GPAT2: variants seen among roughly 807,000 people sequenced by gnomAD.
GPAT2 encodes the protein glycerol-3-phosphate acyltransferase 2, mitochondrial, also known as 1-acylglycerol-3-phosphate O-acyltransferase GPAT2.
GPAT2 carries 51 observed loss-of-function variants against 71.0 expected under a neutral mutation model. That is an observed-to-expected ratio of 0.72 (90% CI 0.57 to 0.91). The LOEUF (loss-of-function observed/expected upper bound fraction) is 0.91. GPAT2 is among the 40% of genes least tolerant of loss of function. The pLI is 0.00. For missense variants in GPAT2, 511 were observed against 666.0 expected, an observed-to-expected ratio of 0.77 and a Z score of 2.56; for synonymous variants, 222 against 290.3, an observed-to-expected ratio of 0.76 and a Z score of 2.39.
rs1283834725 is a variant in GPAT2 at position 96,026,772 on chromosome 2, G to A, written c.957C>T (p.Ile319=). The A allele has an allele frequency of 8.9e-5, 5 of 56,242 alleles. No individual in the cohort carries two copies. The highest frequency in any genetic ancestry group is 1.4e-4 in the South Asian group (1 of 7,366). 3.5% of individuals were successfully genotyped at this position (56,242 alleles called of 1,614,324 possible). A position where few individuals can be genotyped will look rare whatever the true frequency, so the allele number is the denominator to read the frequency against. The change falls in exon 10 of 22, where the codon ATC becomes ATT. Residue 319 remains isoleucine (I), a synonymous_variant. Transcript: ENST00000434632. ...CTGGTACCAGCAGAGCATCTGGGAC[G>A]ATGCCCACCTGGACTGCCTGCACCA... ...GFVVQAVQVG[I]VPDALLVPVA...
intron 12 of GPAT2, among the ~76,000 whole-genome samples, 163 bp from the exon 13 acceptor site, chr2:96,025,766 C>G (rs1030546022): frequency 1.3e-5 from 2 of 152,206 alleles, no homozygotes; most frequent in Non-Finnish European, 2.9e-5. Flanking sequence ...GTGCCATACC[C>G]CACACTCAGA....
At chr2:96,022,795 C>T in intron 20 of GPAT2, 72 bp from the exon 21 acceptor site, 14 of 1,613,886 alleles carry the variant, frequency 8.7e-6, no homozygotes, top group African/African-American at 1.3e-5. Context: ...CTTCTCTCCT[C>T]TTGTTTAAAG....
In GPAT2 at chr2:96,023,400, C is replaced by T. The variant is rs1040739948; in HGVS notation, c.1955G>A (p.Arg652Gln). 2.5e-6 allele frequency: 4 copies of T among 1,614,038 alleles called. No homozygotes were observed. Among genetic ancestry groups the T allele is most frequent in the African/African-American group, 1.3e-5 (1 of 74,954 alleles). The part of the protein sequence containing the change: ...SRPACDTGRQ[R>Q]LSRKLLWKPS... ...TTTCCACAGCAGCTTTCTGCTCAAT[C>T]GCTGTCGCCCTGTGTCACAGGCTGG... Residue 652 changes from arginine (R) to glutamine (Q), a missense_variant, in exon 18 of 22, where the codon CGA (arginine) becomes CAA (glutamine). This residue lies in a region of GPAT2 where 295 missense variants were observed against 305.5 expected (regional missense o/e 0.97). Transcript: ENST00000434632.
chr2:96,024,756 C>G lies in GPAT2; in HGVS notation c.1428+17G>C, dbSNP rs751350340. 3 of 1,614,006 alleles carry G rather than the reference C, an allele frequency of 1.9e-6. No homozygotes were observed. The highest frequency in any genetic ancestry group is 1.3e-5 in the African/African-American group (1 of 75,010). On this transcript the variant is annotated intron_variant, in intron 14 of 21. Transcript: ENST00000434632. Reference sequence around the variant, plus strand: ...CCCCCCCCACCGCCCAGGTCCCCACCACATTGCACCCCCTACCTTCTGATG... The same window carrying G: ...CCCCCCCCACCGCCCAGGTCCCCACGACATTGCACCCCCTACCTTCTGATG...
At position 96,024,812 on chromosome 2, in the gene GPAT2, C is replaced by G. The variant is rs768355496; in HGVS notation, c.1389G>C (p.Thr463=). ...AGAGCAGCAGCGTTGCCATAATGGCCGTGCTCATCACCGCAGAGCTCCCTA... is the reference window on the plus strand; with the variant it reads ...AGAGCAGCAGCGTTGCCATAATGGCGGTGCTCATCACCGCAGAGCTCCCTA... ...ASVGSSAVMS[T]AIMATLLLFK... Residue 463 remains threonine (T), a synonymous_variant, in exon 14 of 22, where the codon ACG becomes ACC. Transcript: ENST00000434632. 6.2e-7 allele frequency: 1 copy of G among 1,613,604 alleles called. No individual in the cohort carries two copies. The highest frequency in any genetic ancestry group is 8.5e-7 in the Non-Finnish European group (1 of 1,179,960).
chr2:96,022,894 G>C (rs182302523), intron 20 of GPAT2, 64 bp downstream of exon 20: 10 of 1,612,940 alleles, frequency 6.2e-6, no homozygotes, highest in Middle Eastern at 1.7e-4. Flanking sequence ...TGTCCTGCAG[G>C]GGGCAGCAGC....
chr2:96,024,273 G>A lies in GPAT2; in HGVS notation c.1752C>T (p.Gly584=). ...GCTCATTCTGGCTCAGCAGCAATATGCCCTGCAGCTCCCAGGGCCCCTGGG... is the reference window on the plus strand; with the variant it reads ...GCTCATTCTGGCTCAGCAGCAATATACCCTGCAGCTCCCAGGGCCCCTGGG... The part of the protein sequence containing the change: ...VPPQGPWELQ[G]ILLLSQNELY... Residue 584 remains glycine (G), a synonymous_variant, in exon 16 of 22, where the codon GGC becomes GGT. Transcript: ENST00000434632. 6.4e-7 allele frequency: 1 copy of A among 1,551,752 alleles called. No homozygotes were observed. The highest frequency in any genetic ancestry group is 1.9e-5 in the Admixed American group (1 of 52,738).
In GPAT2 at chr2:96,024,851, G is replaced by T; in HGVS notation, c.1358-8C>A. The stretch of plus-strand genomic sequence containing the variant: ...CAGAGCTCCCTACACTGGCTGGAGT[G>T]GGGCGGGGGGTGGAGATGCTGGTCA... On this transcript the variant is annotated splice_region_variant and splice_polypyrimidine_tract_variant and intron_variant, in intron 13 of 21. Transcript: ENST00000434632. 1 of 1,612,444 alleles carries T rather than the reference G, an allele frequency of 6.2e-7. No individual in the cohort carries two copies. The highest frequency in any genetic ancestry group is 8.5e-7 in the Non-Finnish European group (1 of 1,179,926).
intron 16 of GPAT2, 81 bp downstream of exon 16, chr2:96,024,108 T>C (rs1362169285): frequency 1.3e-6 from 2 of 1,569,252 alleles, no homozygotes; most frequent in African/African-American, 1.4e-5. Flanking sequence ...GTTTCAGAGG[T>C]AGAGCATGGG....
At position 96,025,179 on chromosome 2, in the gene GPAT2, C is replaced by T. The variant is rs540443072; in HGVS notation, c.1357+306G>A. ...TATCATTCCATTCAGTTAACACCAT[C>T]TCCACCCAAAGCTAAGGAGACTCCG... is the stretch of plus-strand genomic sequence containing the variant. On this transcript the variant is annotated intron_variant, in intron 13 of 21. Coordinates refer to ENST00000434632, the MANE Select transcript of GPAT2 (RefSeq NM_001321527.2). The T allele has an allele frequency of 5.3e-6, 3 of 563,592 alleles. No homozygotes were observed. The Admixed American group carries it at 9.6e-5, about 18-fold the overall frequency. The allele number at this position is 563,592 out of a possible 1,614,324, so 34.9% of individuals were successfully genotyped here. A position where few individuals can be genotyped will look rare whatever the true frequency, so the allele number is the denominator to read the frequency against.
At chr2:96,023,496 C>T in intron 17 of GPAT2, 56 bp from the exon 18 acceptor site, 7 of 1,581,910 alleles carry the variant, frequency 4.4e-6, no homozygotes, top group Non-Finnish European at 5.2e-6. Flanking sequence ...CAACCCTACA[C>T]CCCCAGACCA....
chr2:96,024,661 C>G lies in GPAT2; in HGVS notation c.1453G>C (p.Gly485Arg). 6.2e-7 allele frequency: 1 copy of G among 1,613,856 alleles called. No individual in the cohort carries two copies. Among genetic ancestry groups the G allele is most frequent in the Non-Finnish European group, 8.5e-7 (1 of 1,179,892 alleles). The change falls in exon 15 of 22, where the codon GGG becomes CGG. Residue 485 changes from glycine (G) to arginine (R), a missense_variant. Physicochemically the swap from Gly to Arg is moderately radical, Grantham distance 125. Transcript: ENST00000434632. ...TCCTCCGTCAGCCAGGAGAACTCCC[C>G]CAGGAGCTGCGACAGGAACACACCC... ...QKGVFLSQLLGEFSWLTEEIL... is the reference protein window; with the variant it reads ...QKGVFLSQLLREFSWLTEEIL...
chr2:96,024,727 G>A (rs777651573), intron 14 of GPAT2, 42 bp from the exon 15 acceptor site: 106 of 1,611,696 alleles, frequency 6.6e-5, no homozygotes, highest in Non-Finnish European at 8.3e-5. Context: ...GCCACACATC[G>A]CCACCCCCCC....
chr2:96,032,553 G>C, intron 1 of GPAT2, 134 bp from the exon 2 acceptor site: 1 of 582,374 alleles, frequency 1.7e-6, no homozygotes, highest in Non-Finnish European at 2.6e-6. Flanking sequence ...GGAGAACCTA[G>C]GCTGGAAACT....
Position 96,025,913 on chromosome 2 carries a change from C to G in GPAT2, c.1238+17G>C, listed in dbSNP as rs142763165. The G allele has an allele frequency of 6.2e-7, 1 of 1,610,728 alleles. No individual in the cohort carries two copies. The stretch of plus-strand genomic sequence containing the variant: ...GCTTGCCTTGCCCCCTGAGACCCCA[C>G]GCTCCTGTGCCCCTACCATTGGCCC... On this transcript the variant is annotated intron_variant, in intron 12 of 21. Coordinates refer to ENST00000434632, the MANE Select transcript of GPAT2 (RefSeq NM_001321527.2).
At chr2:96,023,084 T>A (rs1679880312) in intron 19 of GPAT2, 22 bp downstream of exon 19, 1 of 1,613,712 alleles carries the variant, frequency 6.2e-7, no homozygotes, top group Admixed American at 1.7e-5. Context: ...CCTCGAGGAC[T>A]GCAAGGGAAC....
chr2:96,022,985 C>A lies in GPAT2; in HGVS notation c.2206G>T (p.Ala736Ser). ...AAGATCCCTTCTTCCTGGGCGGTGG[C>A]CTGCAGGAACTGGAACAGCTGCTCT... ...YTEQLFQFLQ[A>S]TAQEEGIFEC... Residue 736 changes from alanine to serine, a missense_variant, in exon 20 of 22, where the codon GCC becomes TCC. Physicochemically the swap from Ala to Ser is moderately conservative, Grantham distance 99. Transcript: ENST00000434632. 9.3e-6 allele frequency: 15 copies of A among 1,613,934 alleles called. No homozygotes were observed. Among genetic ancestry groups the A allele is most frequent in the African/African-American group, 1.3e-5 (1 of 75,066 alleles).
Position 96,032,309 on chromosome 2 carries a change from G to T in GPAT2, c.51C>A (p.Pro17=). 6.6e-7 allele frequency: 1 copy of T among 1,519,362 alleles called. No individual in the cohort carries two copies. Among genetic ancestry groups the T allele is most frequent in the Non-Finnish European group, 9.0e-7 (1 of 1,110,070 alleles). 94.1% of individuals were successfully genotyped at this position (1,519,362 alleles called of 1,614,324 possible). Residue 17 remains proline (P), a synonymous_variant, in exon 2 of 22, where the codon CCC becomes CCA. Transcript: ENST00000434632. The stretch of plus-strand genomic sequence containing the variant: ...GGAGCCACATTACCTCTCGGCCACT[G>T]GGGCTGCTCCTTGGCTGAGTTTGGC... ...GRCQTQPRSS[P]SGREASLWSS...
At chr2:96,024,748 G>A in intron 14 of GPAT2, 25 bp downstream of exon 14, 1 of 1,613,962 alleles carries the variant, frequency 6.2e-7, no homozygotes, top group Non-Finnish European at 8.5e-7. Flanking sequence ...CACCGCCCAG[G>A]TCCCCACCAC....
Sources: gnomAD v4.1 joint callset for allele counts (sites outside exome capture counted in the v4.1 genomes callset) on GRCh38, gnomAD v4.1.1 for gene constraint, gnomAD v4.1.1 regional missense constraint, MANE v1.5 for transcripts, NCBI Gene and HGNC (gene_info 2026-07-23, HGNC 2026-07-21) for gene names.